CSMD1: variants seen among roughly 807,000 people sequenced by gnomAD.
CSMD1 encodes the protein CUB and sushi domain-containing protein 1.
CSMD1 carries 213 observed loss-of-function variants against 417.5 expected under a neutral mutation model. The ratio of observed to expected loss-of-function variants is 0.51; its 90% CI spans 0.46 to 0.57. CSMD1 has a LOEUF of 0.57. Among genes scored for constraint, CSMD1 ranks in the 20% least tolerant of loss-of-function variants. The probability of loss-of-function intolerance (pLI) is 0.00; values close to 1 mark genes in which losing one functional copy is unlikely to be tolerated. For missense variants in CSMD1, 6,923 were observed against 4,529.7 expected, an observed-to-expected ratio of 1.53 and a Z score of -15.17; for synonymous variants, 2,862 against 1,736.8, an observed-to-expected ratio of 1.65 and a Z score of -16.11.
intron 3 of CSMD1, among the ~76,000 whole-genome samples, chr8:4,381,289 GGGGAAACCACT>G (rs1476113991): frequency 2.0e-5 from 3 of 152,168 alleles, no homozygotes; most frequent in African/African-American, 7.2e-5. Context: ...TCCAGAGGTT[GGGGAAACCACT>G]GGGTGGGGAA....
At chr8:3,776,613 T>A (rs992448353) in intron 5 of CSMD1, among the ~76,000 whole-genome samples, 1 of 152,090 alleles carries the variant, frequency 6.6e-6, no homozygotes, top group African/African-American at 2.4e-5. Flanking sequence ...TCATTGACAT[T>A]GTAGACTCCA....
At chr8:3,624,831 T>A (rs1485441426) in intron 7 of CSMD1, among the ~76,000 whole-genome samples, 1 of 152,176 alleles carries the variant, frequency 6.6e-6, no homozygotes. Context: ...TATTATCTCA[T>A]TGAATTGAAA....
chr8:4,090,561 A>T (rs1800663749), intron 3 of CSMD1, among the ~76,000 whole-genome samples: 2 of 152,226 alleles, frequency 1.3e-5, no homozygotes, highest in African/African-American at 2.4e-5. Flanking sequence ...TTTACAACAG[A>T]AACTAAAATA....
chr8:3,754,852 C>G (rs776088122), intron 5 of CSMD1, among the ~76,000 whole-genome samples: 2 of 152,178 alleles, frequency 1.3e-5, no homozygotes, highest in Admixed American at 6.5e-5. Context: ...ATTTGCAGGA[C>G]TAAGAACCTG....
chr8:3,197,535 C>G (rs901103281), intron 33 of CSMD1, among the ~76,000 whole-genome samples: 2 of 144,410 alleles, frequency 1.4e-5, no homozygotes, highest in South Asian at 4.5e-4. Flanking sequence ...GCGCGATCTC[C>G]ACTCACTGCA....
rs1002966000 is a variant in CSMD1, at chr8:4,964,221, G to C, written c.85+30111C>G. Among the ~76,000 whole-genome samples the C allele has an allele frequency of 2.6e-5, 4 of 152,112 alleles. No individual in the cohort carries two copies. The South Asian group carries it at 8.3e-4, about 32-fold the overall frequency. On this transcript the variant is annotated intron_variant, in intron 1 of 69. Coordinates refer to ENST00000635120, the MANE Select transcript of CSMD1 (RefSeq NM_033225.6). ...ACATTTTAGAGCAAAATGAATGAAT[G>C]AGTAGCAGGCAGCCAGGTATGGTGG... is the stretch of plus-strand genomic sequence containing the variant.
chr8:3,416,030 G>T (rs938420209), intron 12 of CSMD1, among the ~76,000 whole-genome samples: 1 of 151,998 alleles, frequency 6.6e-6, no homozygotes, highest in African/African-American at 2.4e-5. Flanking sequence ...GGCTGGGCGC[G>T]GCGGCTCACA....
At position 2,955,573 on chromosome 8, in the gene CSMD1, T is replaced by C; in HGVS notation, c.9994+16A>G. ...GCTCTTTGGAAAAGTATGCCACTCCTTGATCAATGACTTACTTTTACACAC... is the reference window on the plus strand; with the variant it reads ...GCTCTTTGGAAAAGTATGCCACTCCCTGATCAATGACTTACTTTTACACAC... On this transcript the variant is annotated intron_variant, in intron 64 of 69. Coordinates refer to ENST00000635120, the MANE Select transcript of CSMD1 (RefSeq NM_033225.6). 6.2e-7 allele frequency: 1 copy of C among 1,612,730 alleles called. No individual in the cohort carries two copies. The highest frequency in any genetic ancestry group is 8.5e-7 in the Non-Finnish European group (1 of 1,179,056).
At position 3,644,971 on chromosome 8, in the gene CSMD1, A is replaced by ATT. The variant is rs1265327137; in HGVS notation, c.1010-28175_1010-28174insAA. Among the ~76,000 whole-genome samples the ATT allele has an allele frequency of 1.2e-4, 12 of 103,968 alleles. No individual in the cohort carries two copies. In the Admixed American group the frequency reaches 1.2e-3, roughly 10 times the overall value. 68.2% of individuals were successfully genotyped at this position (103,968 alleles called of 152,430 possible). A position where few individuals can be genotyped will look rare whatever the true frequency, so the allele number is the denominator to read the frequency against. On this transcript the variant is annotated intron_variant, in intron 7 of 69. Transcript: ENST00000635120. ...GGATCACTAAGGCTTTAAATGAAAA[A>ATT]AAAAAAAAAAAAAAAAAAAAGTCAA...
At chr8:4,391,786 G>A (rs1025333168) in intron 3 of CSMD1, among the ~76,000 whole-genome samples, 4 of 152,234 alleles carry the variant, frequency 2.6e-5, no homozygotes, top group African/African-American at 9.6e-5. Flanking sequence ...CCCTGAGTTT[G>A]AGCGGCTGCT....
At chr8:4,312,165 C>T (rs1453121876) in intron 3 of CSMD1, among the ~76,000 whole-genome samples, 1 of 151,912 alleles carries the variant, frequency 6.6e-6, no homozygotes, top group East Asian at 1.9e-4. Context: ...TTCCTACGTG[C>T]ATTTAGTCAG....
intron 10 of CSMD1, among the ~76,000 whole-genome samples, chr8:3,498,789 G>T (rs189053354): frequency 6.6e-6 from 1 of 151,982 alleles, no homozygotes; most frequent in African/African-American, 2.4e-5. Context: ...TGAAGCTCTT[G>T]ATTTTATTTT....
At chr8:4,397,251 C>G (rs1012128069) in intron 3 of CSMD1, among the ~76,000 whole-genome samples, 4 of 151,950 alleles carry the variant, frequency 2.6e-5, no homozygotes, top group Non-Finnish European at 4.4e-5. Flanking sequence ...TGTGAGCATG[C>G]GTTTTTTCAT....
chr8:4,081,712 T>G (rs1359268001), intron 3 of CSMD1, among the ~76,000 whole-genome samples: 1 of 152,208 alleles, frequency 6.6e-6, no homozygotes, highest in Non-Finnish European at 1.5e-5. Flanking sequence ...TAAAAAGTAT[T>G]TTCTCTGACC....
At chr8:3,809,540 A>G (rs1414872207) in intron 5 of CSMD1, among the ~76,000 whole-genome samples, 1 of 152,194 alleles carries the variant, frequency 6.6e-6, no homozygotes, top group Non-Finnish European at 1.5e-5. Context: ...GTTCTCAAAC[A>G]TTGCCATGCA....
chr8:4,541,517 C>A (rs1325155782), intron 2 of CSMD1, among the ~76,000 whole-genome samples: 2 of 151,962 alleles, frequency 1.3e-5, no homozygotes, highest in African/African-American at 2.4e-5. Context: ...GGAGGCTGAA[C>A]TGGGCCTATT....
At chr8:3,837,883 A>G (rs1301787383) in intron 5 of CSMD1, among the ~76,000 whole-genome samples, 1 of 151,962 alleles carries the variant, frequency 6.6e-6, no homozygotes, top group Non-Finnish European at 1.5e-5. Context: ...ACTAGTTTTC[A>G]TTTTCTTCTG....
intron 10 of CSMD1, among the ~76,000 whole-genome samples, chr8:3,523,560 C>G (rs1434276731): frequency 6.6e-6 from 1 of 152,072 alleles, no homozygotes; most frequent in Non-Finnish European, 1.5e-5. Flanking sequence ...CATGTGCACA[C>G]AGATGCACAC....
At position 4,628,405 on chromosome 8, in the gene CSMD1, T is replaced by C. The variant is rs370308785; in HGVS notation, c.302+8937A>G. Among the ~76,000 whole-genome samples, 51 of 113,990 alleles carry C rather than the reference T, an allele frequency of 4.5e-4. 2 individuals carry two copies. Among genetic ancestry groups the C allele is most frequent in the Admixed American group, 1.1e-3 (12 of 10,692 alleles). 74.8% of individuals were successfully genotyped at this position (113,990 alleles called of 152,430 possible). On this transcript the variant is annotated intron_variant, in intron 2 of 69. Coordinates refer to ENST00000635120, the MANE Select transcript of CSMD1 (RefSeq NM_033225.6). ...ACACACATATATATACACATATATA[T>C]ACACATATATATACATATATATACA...
Sources: allele counts gnomAD v4.1 joint callset (sites outside exome capture counted in the v4.1 genomes callset), GRCh38; gene constraint gnomAD v4.1.1; transcripts MANE v1.5; gene names NCBI Gene and HGNC (gene_info 2026-07-23, HGNC 2026-07-21).